Variants in MAP3K2 observed in about 807,000 individuals in gnomAD.
The protein encoded by MAP3K2 is MAP/ERK kinase kinase 2.
In MAP3K2, 24 loss-of-function variants were observed where a neutral mutation model predicts 80.3. The observed-to-expected ratio is 0.30, with a 90% CI of 0.22 to 0.42. MAP3K2 has a LOEUF of 0.42. MAP3K2 is among the 10% of genes least tolerant of loss of function. MAP3K2 has a pLI of 1.00. For missense variants in MAP3K2, 608 were observed against 750.1 expected, an observed-to-expected ratio of 0.81 and a Z score of 2.21; for synonymous variants, 244 against 253.7, an observed-to-expected ratio of 0.96 and a Z score of 0.36.
intron 12 of MAP3K2, among the ~76,000 whole-genome samples, chr2:127,319,666 A>AAAAAAAAAAAAAG (rs1558975345): frequency 4.4e-4 from 66 of 148,352 alleles, no homozygotes; most frequent in Non-Finnish European, 6.3e-4. Flanking sequence ...AAAAAAAAAA[A>AAAAAAAAAAAAAG]AAAAAAAAAA....
chr2:127,382,387 G>A (rs1687262721), intron 1 of MAP3K2, among the ~76,000 whole-genome samples: 1 of 151,874 alleles, frequency 6.6e-6, no homozygotes, highest in Admixed American at 6.6e-5. Context: ...GCTTCATAGT[G>A]TTTTTTAAAA....
chr2:127,370,172 C>A (rs1687039064), intron 1 of MAP3K2, among the ~76,000 whole-genome samples: 2 of 152,200 alleles, frequency 1.3e-5, no homozygotes, highest in Non-Finnish European at 2.9e-5. Context: ...TGACTCAAGA[C>A]CTTTGTCATT....
intron 1 of MAP3K2, among the ~76,000 whole-genome samples, chr2:127,351,341 T>C (rs558658805): frequency 2.4e-4 from 36 of 152,236 alleles, no homozygotes; most frequent in Admixed American, 2.4e-3. Context: ...TGTGGGGTGA[T>C]GGGACCTCAT....
chr2:127,333,037 G>A (rs1030996871), intron 5 of MAP3K2, among the ~76,000 whole-genome samples: 3 of 151,794 alleles, frequency 2.0e-5, no homozygotes, highest in African/African-American at 4.8e-5. Context: ...GGCTGAGTGG[G>A]GAGAGGATTG....
chr2:127,324,012 A>C lies in MAP3K2; in HGVS notation c.746-18T>G. On this transcript the variant is annotated intron_variant, in intron 10 of 16. Transcript: ENST00000682094. ...ATCATAGTCTGTTAAGACATATAAG[A>C]TGGTTATCTTTTATTTAAAAAAAAA... The C allele has an allele frequency of 8.1e-7, 1 of 1,235,962 alleles. No homozygotes were observed. The highest frequency in any genetic ancestry group is 1.9e-4 in the Middle Eastern group (1 of 5,152). The allele number at this position is 1,235,962 out of a possible 1,614,324, so 76.6% of individuals were successfully genotyped here.
At chr2:127,350,455 A>AAC (rs1686672180) in intron 1 of MAP3K2, among the ~76,000 whole-genome samples, 2 of 51,332 alleles carry the variant, frequency 3.9e-5, no homozygotes, top group Non-Finnish European at 8.4e-5. Flanking sequence ...AAACAAAAAC[A>AAC]AAAAAAAAAA....
intron 1 of MAP3K2, among the ~76,000 whole-genome samples, chr2:127,349,750 G>A (rs1349515184): frequency 6.6e-6 from 1 of 152,092 alleles, no homozygotes; most frequent in African/African-American, 2.4e-5. Flanking sequence ...GAAACAACTA[G>A]CTGGAATACA....
chr2:127,345,071 C>G (rs1686573555), intron 1 of MAP3K2, among the ~76,000 whole-genome samples: 2 of 152,210 alleles, frequency 1.3e-5, no homozygotes, highest in Non-Finnish European at 2.9e-5. Flanking sequence ...CCAGACTGGT[C>G]TCAAGCTCCT....
At chr2:127,368,446 C>A (rs959690944) in intron 1 of MAP3K2, among the ~76,000 whole-genome samples, 2 of 152,030 alleles carry the variant, frequency 1.3e-5, no homozygotes, top group Non-Finnish European at 1.5e-5. Context: ...CATGGTGAAA[C>A]CCCATCTCTA....
intron 4 of MAP3K2, among the ~76,000 whole-genome samples, chr2:127,336,385 T>C (rs899453391): frequency 6.6e-6 from 1 of 152,214 alleles, no homozygotes; most frequent in African/African-American, 2.4e-5. Context: ...TCTGTATCCT[T>C]ATCAACTCAA....
At chr2:127,309,991 G>A (rs1685780310) in intron 15 of MAP3K2, among the ~76,000 whole-genome samples, 1 of 152,096 alleles carries the variant, frequency 6.6e-6, no homozygotes, top group Non-Finnish European at 1.5e-5. Context: ...AGGCTGAGTA[G>A]CTACATAAAT....
intron 1 of MAP3K2, among the ~76,000 whole-genome samples, chr2:127,352,676 T>G (rs1686711639): frequency 6.6e-6 from 1 of 151,966 alleles, no homozygotes; most frequent in South Asian, 2.1e-4. Context: ...GAGTGCATGC[T>G]TCCCTCTCCC....
chr2:127,372,154 T>C (rs1049534407), intron 1 of MAP3K2, among the ~76,000 whole-genome samples: 3 of 152,212 alleles, frequency 2.0e-5, no homozygotes, highest in African/African-American at 7.2e-5. Context: ...ATCTAGCCTA[T>C]CCAGTAAAGG....
intron 1 of MAP3K2, among the ~76,000 whole-genome samples, chr2:127,344,404 T>C (rs1463524883): frequency 6.6e-6 from 1 of 150,900 alleles, no homozygotes; most frequent in East Asian, 2.0e-4. Context: ...ATACTAGCAA[T>C]TTGGGGGGGC....
chr2:127,332,139 C>A (rs923764548), intron 5 of MAP3K2, among the ~76,000 whole-genome samples: 2 of 152,144 alleles, frequency 1.3e-5, no homozygotes, highest in African/African-American at 2.4e-5. Flanking sequence ...TATCATAGAA[C>A]AAGCCTGATC....
Position 127,378,122 on chromosome 2 carries a change from G to C in MAP3K2, c.-66+9330C>G, listed in dbSNP as rs183756414. 8.2e-6 allele frequency: 8 copies of C among 969,970 alleles called. No individual in the cohort carries two copies. In the Admixed American group the frequency reaches 2.5e-4, roughly 30 times the overall value. The allele number at this position is 969,970 out of a possible 1,614,324, so 60.1% of individuals were successfully genotyped here. The stretch of plus-strand genomic sequence containing the variant: ...CTTTACCAGAATGCAAAGATACTGA[G>C]AGAAGATGACAGACATGGAAAATGG... On this transcript the variant is annotated intron_variant, in intron 1 of 16. Transcript: ENST00000682094.
At chr2:127,388,076 G>A (rs1355820606), upstream of MAP3K2, 1 of 983,976 alleles carries the variant, frequency 1.0e-6, no homozygotes, top group Non-Finnish European at 1.2e-6. Context: ...CCCGGCCCAG[G>A]GGAGTGGGTC....
intron 12 of MAP3K2, among the ~76,000 whole-genome samples, chr2:127,319,673 A>G (rs796221787): frequency 2.6e-4 from 37 of 142,558 alleles, no homozygotes; most frequent in South Asian, 4.6e-4. Flanking sequence ...AAAAAAAAAA[A>G]AAAAAGAAAA....
At chr2:127,357,968 A>C (rs1025398983) in intron 1 of MAP3K2, among the ~76,000 whole-genome samples, 1 of 152,358 alleles carries the variant, frequency 6.6e-6, no homozygotes, top group Non-Finnish European at 1.5e-5. Context: ...AAAGAAAAAA[A>C]TGCATTGAAC....
Sources: allele counts gnomAD v4.1 joint callset (sites outside exome capture counted in the v4.1 genomes callset), GRCh38; gene constraint gnomAD v4.1.1; transcripts MANE v1.5; gene names NCBI Gene and HGNC (gene_info 2026-07-23, HGNC 2026-07-21).